The following OTOF variants were observed in gnomAD, a reference collection of about 807,000 sequenced individuals.
The protein encoded by OTOF is otoferlin, also known as fer-1-like family member 2.
OTOF carries 218 observed loss-of-function variants against 236.8 expected under a neutral mutation model. The observed-to-expected ratio is 0.92, with a 90% CI of 0.82 to 1.03. OTOF has a LOEUF of 1.03. OTOF is among the 50% of genes least tolerant of loss of function. The pLI, the probability that OTOF is intolerant of heterozygous loss-of-function variation, is 0.00. For missense variants in OTOF, 2,590 were observed against 2,694.4 expected (o/e 0.96, Z 0.86); for synonymous variants, 1,041 against 1,072.5 (o/e 0.97, Z 0.57).
At chr2:26,552,568 A>G (rs970958298) in intron 1 of OTOF, among the ~76,000 whole-genome samples, 1 of 152,198 alleles carries the variant, frequency 6.6e-6, no homozygotes, top group Admixed American at 6.5e-5. Flanking sequence ...AATCATTTCC[A>G]TTACATGAAA....
chr2:26,530,658 T>A (rs986156713), intron 2 of OTOF, among the ~76,000 whole-genome samples: 24 of 152,304 alleles, frequency 1.6e-4, no homozygotes, highest in Non-Finnish European at 2.9e-4. Flanking sequence ...CCCTCCCGCA[T>A]CATTCGTCTG....
chr2:26,497,046 G>A (rs1227494890), intron 8 of OTOF, among the ~76,000 whole-genome samples: 1 of 146,298 alleles, frequency 6.8e-6, no homozygotes, highest in Non-Finnish European at 1.5e-5. Context: ...AACAAGAAAA[G>A]CCTTTCCCCA....
Position 26,503,829 on chromosome 2 carries a change from A to G in OTOF, c.526T>C (p.Phe176Leu), listed in dbSNP as rs1161565133. 1.9e-6 allele frequency: 3 copies of G among 1,614,022 alleles called. No homozygotes were observed. Among genetic ancestry groups the G allele is most frequent in the Non-Finnish European group, 1.7e-6 (2 of 1,179,988 alleles). The part of the protein sequence containing the change: ...KSFRRAGRSV[F>L]SAMKLGKNRS... ...TTTTTGCCGAGCTTCATGGCGGAGA[A>G]CACGCTCCTCCCGGCTCTGTGAGGG... Residue 176 changes from phenylalanine (F) to leucine (L), a missense_variant, in exon 6 of 47, where the codon TTC becomes CTC. By Grantham distance (22) the Phe-to-Leu change is conservative. Around this residue, in one of 2 missense-constraint regions of OTOF, gnomAD observed 1,379 missense variants for 1,341.6 expected, o/e 1.03. Transcript: ENST00000272371.
intron 18 of OTOF, chr2:26,478,089 G>A (rs1264460664): frequency 3.7e-5 from 50 of 1,369,172 alleles, no homozygotes; most frequent in Non-Finnish European, 4.6e-5. Flanking sequence ...CCCTAGGACT[G>A]GATGTGCCAA....
At position 26,503,812 on chromosome 2, in the gene OTOF, G is replaced by T. The variant is rs1249405157; in HGVS notation, c.543C>A (p.Leu181=). The T allele has an allele frequency of 1.7e-5, 27 of 1,614,000 alleles. No homozygotes were observed. Among genetic ancestry groups the T allele is most frequent in the Non-Finnish European group, 2.1e-5 (25 of 1,179,968 alleles). The part of the protein sequence containing the change: ...AGRSVFSAMK[L]GKNRSHKEEP... The stretch of plus-strand genomic sequence containing the variant: ...CCTCCTTGTGAGACCGGTTTTTGCC[G>T]AGCTTCATGGCGGAGAACACGCTCC... Residue 181 remains leucine (L), a synonymous_variant, in exon 6 of 47, where the codon CTC becomes CTA. Coordinates refer to ENST00000272371, the MANE Select transcript of OTOF (RefSeq NM_194248.3).
intron 5 of OTOF, among the ~76,000 whole-genome samples, 165 bp from the exon 6 acceptor site, chr2:26,504,010 G>A (rs1666185747): frequency 6.6e-6 from 1 of 152,108 alleles, no homozygotes; most frequent in African/African-American, 2.4e-5. Context: ...TCCCAAATTG[G>A]GAGCCAGGAG....
At position 26,477,938 on chromosome 2, in the gene OTOF, A is replaced by G. The variant is rs576247058; in HGVS notation, c.2215-189T>C. 118 of 1,451,646 alleles carry G rather than the reference A, an allele frequency of 8.1e-5. No individual in the cohort carries two copies. In the Middle Eastern group the frequency reaches 2.0e-3, roughly 25 times the overall value. 89.9% of individuals were successfully genotyped at this position (1,451,646 alleles called of 1,614,324 possible). ...CAGGTTCTGTTCTCAGAACCTGGAG[A>G]TGTTGGTGTTCATGGGGGTTCTTCA... On this transcript the variant is annotated intron_variant, in intron 18 of 46. Coordinates refer to ENST00000272371, the MANE Select transcript of OTOF (RefSeq NM_194248.3). This position sits in a 1 kb window ranked among gnomAD's most constrained non-coding sequence, Gnocchi z 4.7.
chr2:26,556,694 G>A (rs1667593727), intron 1 of OTOF, among the ~76,000 whole-genome samples: 1 of 152,154 alleles, frequency 6.6e-6, no homozygotes, highest in African/African-American at 2.4e-5. Flanking sequence ...GAGTACTCAG[G>A]ATGAGGTCCT....
At chr2:26,503,326 C>G (rs1436757420) in intron 6 of OTOF, among the ~76,000 whole-genome samples, 1 of 152,242 alleles carries the variant, frequency 6.6e-6, no homozygotes, top group Non-Finnish European at 1.5e-5. Context: ...CAGGCCCGGC[C>G]CTGCCGCGCC....
In OTOF at chr2:26,503,933, C is replaced by T. The variant is rs988866361; in HGVS notation, c.510-88G>A. 12 of 1,187,444 alleles carry T rather than the reference C, an allele frequency of 1.0e-5. 1 individual carries two copies. Among genetic ancestry groups the T allele is most frequent in the Non-Finnish European group, 1.5e-5 (12 of 794,796 alleles). 73.6% of individuals were successfully genotyped at this position (1,187,444 alleles called of 1,614,324 possible). On this transcript the variant is annotated intron_variant, in intron 5 of 46. Coordinates refer to ENST00000272371, the MANE Select transcript of OTOF (RefSeq NM_194248.3). ...CACAGAAGAGCCAAACATGAGAGAA[C>T]ACATCAGAGAAGGGAGATGGACCCG...
rs1664708676 is a variant in OTOF, at chr2:26,465,980, TG to T, written c.4596del (p.Tyr1532Ter). Reference protein sequence around the residue: ...GKTDIRDKENYISKQLNPVFG... With the variant: ...GKTDIRDKENXISKQLNPVFG... ...AAGACAGGGTTGAGCTGCTTGGAGA[TG>T]TAGTTCTCCTTGTCGCGGATGTCAG... On this transcript the variant is annotated frameshift_variant, in exon 37 of 47. Coordinates refer to ENST00000272371, the MANE Select transcript of OTOF (RefSeq NM_194248.3). LOFTEE classifies it high-confidence loss of function. The T allele has an allele frequency of 6.2e-7, 1 of 1,614,210 alleles. No homozygotes were observed. Among genetic ancestry groups the T allele is most frequent in the Non-Finnish European group, 8.5e-7 (1 of 1,180,034 alleles).
At chr2:26,489,098 A>C (rs2148066269) in intron 11 of OTOF, 113 bp downstream of exon 11, 1 of 772,380 alleles carries the variant, frequency 1.3e-6, no homozygotes, top group East Asian at 2.7e-5. Flanking sequence ...CAGTCGCCAG[A>C]CTGTGGTCCT....
chr2:26,539,780 G>T (rs185871290), intron 1 of OTOF, among the ~76,000 whole-genome samples: 17 of 152,268 alleles, frequency 1.1e-4, no homozygotes, highest in Non-Finnish European at 7.4e-5. Context: ...TTATCCCTGG[G>T]GAGGGAGAGT....
At chr2:26,513,117 CAG>C (rs755542324) in intron 5 of OTOF, among the ~76,000 whole-genome samples, 3 of 152,104 alleles carry the variant, frequency 2.0e-5, no homozygotes, top group Non-Finnish European at 4.4e-5. Context: ...ATCGTTGGGG[CAG>C]AGAGTCAGTG....
intron 9 of OTOF, among the ~76,000 whole-genome samples, chr2:26,492,607 C>T (rs886531993): frequency 6.6e-6 from 1 of 152,170 alleles, no homozygotes; most frequent in Non-Finnish European, 1.5e-5. Flanking sequence ...GTCTGGTGTG[C>T]GGCAGATGCT....
chr2:26,461,955 C>CCAGACCCGCAG lies in OTOF; in HGVS notation c.5292-29_5292-19dup, dbSNP rs1419279662. On this transcript the variant is annotated intron_variant, in intron 42 of 46. Coordinates refer to ENST00000272371, the MANE Select transcript of OTOF (RefSeq NM_194248.3). The surrounding 1 kb of genome is among the most constrained non-coding windows in gnomAD (Gnocchi z 6.2). ...TCAGCCACCTGTGGGCGCCACATCT[C>CCAGACCCGCAG]CAGACCCGCAGCCAGGCTGGTGGGG... 21 of 1,613,858 alleles carry CCAGACCCGCAG rather than the reference C, an allele frequency of 1.3e-5. No individual in the cohort carries two copies. Among genetic ancestry groups the CCAGACCCGCAG allele is most frequent in the Admixed American group, 5.0e-5 (3 of 59,996 alleles).
At position 26,467,345 on chromosome 2, in the gene OTOF, G is replaced by T. The variant is rs763020410; in HGVS notation, c.4227+20C>A. On this transcript the variant is annotated intron_variant, in intron 34 of 46. Coordinates refer to ENST00000272371, the MANE Select transcript of OTOF (RefSeq NM_194248.3). ...TCCCGCCCCCACACACCCTAGAAGG[G>T]TCTGCTCCTAGGCTCTCACCTTAAG... 4 of 1,613,488 alleles carry T rather than the reference G, an allele frequency of 2.5e-6. No homozygotes were observed. The East Asian group carries it at 6.7e-5, about 27-fold the overall frequency.
chr2:26,511,970 C>T (rs1666402631), intron 5 of OTOF, among the ~76,000 whole-genome samples: 1 of 152,168 alleles, frequency 6.6e-6, no homozygotes, highest in African/African-American at 2.4e-5. Flanking sequence ...TCTCAGAGCC[C>T]CACCATGCAC....
chr2:26,541,652 A>G (rs1191888446), intron 1 of OTOF, among the ~76,000 whole-genome samples: 1 of 152,220 alleles, frequency 6.6e-6, no homozygotes, highest in African/African-American at 2.4e-5. Context: ...GACTAACCCC[A>G]TCTCTTGTTT....
Sources: gnomAD v4.1 joint callset for allele counts (sites outside exome capture counted in the v4.1 genomes callset) on GRCh38, gnomAD v4.1.1 for gene constraint, gnomAD v4.1.1 regional missense constraint, Gnocchi (gnomAD v3.1) non-coding constraint, MANE v1.5 for transcripts, NCBI Gene and HGNC (gene_info 2026-07-23, HGNC 2026-07-21) for gene names.